Variants in DHDDS observed in about 807,000 individuals in gnomAD.
DHDDS encodes dehydrodolichyl diphosphate synthase subunit, also known as dehydrodolichyl diphosphate synthase complex subunit DHDDS.
DHDDS carries 16 observed loss-of-function variants against 46.2 expected under a neutral mutation model. That is an observed-to-expected ratio of 0.35 (90% CI 0.23 to 0.53). The LOEUF (loss-of-function observed/expected upper bound fraction) is 0.53, where lower values mean the gene tolerates loss of function less well. DHDDS is among the 20% of genes least tolerant of loss of function. DHDDS has a pLI of 0.94. For missense variants in DHDDS, 340 were observed against 423.7 expected (o/e 0.80, Z 1.73); for synonymous variants, 151 against 163.1 (o/e 0.93, Z 0.56).
In DHDDS at chr1:26,442,688, C is replaced by T. The variant is rs200741985; in HGVS notation, c.181-43C>T. ...AAAAGTATCTCTTATTTCCCCTTCC[C>T]ACTCTTCCTTGTATCCTAGCTCCTT... On this transcript the variant is annotated intron_variant, in intron 3 of 8. Coordinates refer to ENST00000236342, the MANE Select transcript of DHDDS (RefSeq NM_205861.3). 4.5e-4 allele frequency: 720 copies of T among 1,612,294 alleles called. 3 individuals are homozygous for T. The highest frequency in any genetic ancestry group is 3.1e-3 in the South Asian group (282 of 90,992).
intron 3 of DHDDS, among the ~76,000 whole-genome samples, chr1:26,441,288 T>A (rs1022300350): frequency 2.6e-5 from 4 of 151,626 alleles, no homozygotes; most frequent in African/African-American, 9.7e-5. Flanking sequence ...AGATCTCCAC[T>A]CACTGGTTCA....
At chr1:26,467,376 G>A in intron 8 of DHDDS, 1 of 471,276 alleles carries the variant, frequency 2.1e-6, no homozygotes, top group African/African-American at 2.0e-5. Flanking sequence ...CAAGCCCGAA[G>A]TCCTCATAGC....
chr1:26,454,677 A>G (rs780212503), intron 6 of DHDDS: 19 of 1,532,106 alleles, frequency 1.2e-5, no homozygotes, highest in Non-Finnish European at 1.6e-5. Context: ...TTTCTTTGGG[A>G]TATCATTTTC....
Position 26,447,638 on chromosome 1 carries a change from G to T in DHDDS, c.520G>T (p.Glu174Ter). 1 of 1,614,090 alleles carries T rather than the reference G, an allele frequency of 6.2e-7. No individual in the cohort carries two copies. Residue 174 changes from glutamate (E) to a stop codon, truncating the protein, a stop_gained, in exon 6 of 9, where the codon GAG becomes TAG. Transcript: ENST00000236342. LOFTEE classifies it high-confidence loss of function. ...NAVREMAWGV[E>*]QGLLDPSDIS... ...TGTGAGAGAGATGGCCTGGGGGGTGGAGCAAGGCCTGTTGGATCCCAGGTA... is the reference window on the plus strand; with the variant it reads ...TGTGAGAGAGATGGCCTGGGGGGTGTAGCAAGGCCTGTTGGATCCCAGGTA...
chr1:26,453,791 A>T (rs2124467607), intron 6 of DHDDS, among the ~76,000 whole-genome samples: 1 of 152,274 alleles, frequency 6.6e-6, no homozygotes, highest in Non-Finnish European at 1.5e-5. Context: ...CTCATAGGTA[A>T]AAACTGATAT....
intron 5 of DHDDS, among the ~76,000 whole-genome samples, chr1:26,446,654 TTCC>T (rs781609899): frequency 1.6e-4 from 24 of 152,000 alleles, no homozygotes; most frequent in Non-Finnish European, 2.4e-4. Context: ...TAGTTTCTCT[TTCC>T]TCCTTTCTCT....
chr1:26,454,988 G>C (rs2075357308), intron 6 of DHDDS: 2 of 1,521,320 alleles, frequency 1.3e-6, no homozygotes, highest in Non-Finnish European at 1.8e-6. Context: ...ACACCTGCCA[G>C]CTCCACCATT....
intron 6 of DHDDS, chr1:26,455,208 C>T (rs544731005): frequency 3.5e-5 from 25 of 717,594 alleles, no homozygotes; most frequent in Non-Finnish European, 4.9e-5. Flanking sequence ...TACCTCAGGC[C>T]GCTTAGGGAA....
At position 26,469,205 on chromosome 1, in the gene DHDDS, A is replaced by G. The variant is rs2075527353; in HGVS notation, c.*74A>G. On this transcript the variant is annotated 3_prime_UTR_variant, in exon 9 of 9. Transcript: ENST00000236342. Reference sequence around the variant, plus strand: ...CCACTCCCCTTCCTTTTCTTGGTGAAAGGCACCTCCTTTCCTGATAATGAA... The same window carrying G: ...CCACTCCCCTTCCTTTTCTTGGTGAGAGGCACCTCCTTTCCTGATAATGAA... The G allele has an allele frequency of 1.2e-6, 2 of 1,605,390 alleles. No individual in the cohort carries two copies. Among genetic ancestry groups the G allele is most frequent in the Admixed American group, 1.7e-5 (1 of 60,002 alleles).
At chr1:26,446,520 T>C (rs1469774766) in intron 5 of DHDDS, 88 bp downstream of exon 5, 1 of 1,289,530 alleles carries the variant, frequency 7.8e-7, no homozygotes, top group African/African-American at 1.5e-5. Context: ...TTCCTTGGTC[T>C]GGATTGGTGC....
intron 4 of DHDDS, chr1:26,443,118 T>A: frequency 1.7e-6 from 1 of 577,040 alleles, no homozygotes; most frequent in Non-Finnish European, 2.8e-6. Context: ...TAAGAACAAG[T>A]ACAGCCAGCC....
chr1:26,466,510 G>A (rs897358180), intron 8 of DHDDS, among the ~76,000 whole-genome samples: 1 of 152,146 alleles, frequency 6.6e-6, no homozygotes, highest in South Asian at 2.1e-4. Context: ...TCTCAGCCTC[G>A]CTGTCATTTT....
intron 2 of DHDDS, among the ~76,000 whole-genome samples, chr1:26,435,135 G>C (rs993471134): frequency 6.8e-6 from 1 of 147,500 alleles, no homozygotes; most frequent in Non-Finnish European, 1.5e-5. Flanking sequence ...TCAGCCTCCC[G>C]AGTAGCTGGG....
intron 3 of DHDDS, among the ~76,000 whole-genome samples, chr1:26,441,617 C>T (rs775164474): frequency 4.1e-4 from 62 of 152,030 alleles, no homozygotes; most frequent in African/African-American, 1.4e-3. Flanking sequence ...CATTTCCTGC[C>T]GGGCTCAGTA....
At chr1:26,457,396 G>A (rs186770966) in intron 6 of DHDDS, among the ~76,000 whole-genome samples, 10 of 151,892 alleles carry the variant, frequency 6.6e-5, no homozygotes, top group African/African-American at 2.4e-4. Flanking sequence ...CATGAACCTG[G>A]GAGGCAGAGT....
At chr1:26,449,383 G>T (rs946239396) in intron 6 of DHDDS, among the ~76,000 whole-genome samples, 2 of 151,924 alleles carry the variant, frequency 1.3e-5, no homozygotes, top group Non-Finnish European at 2.9e-5. Context: ...TTCCAGGCAT[G>T]AGCCATCACT....
chr1:26,457,139 C>T (rs971436759), intron 6 of DHDDS, among the ~76,000 whole-genome samples: 1 of 151,940 alleles, frequency 6.6e-6, no homozygotes, highest in Non-Finnish European at 1.5e-5. Context: ...CCTCAGTTTC[C>T]TTATCTATAA....
At chr1:26,455,641 G>A (rs1326908954) in intron 6 of DHDDS, among the ~76,000 whole-genome samples, 1 of 152,128 alleles carries the variant, frequency 6.6e-6, no homozygotes, top group Admixed American at 6.5e-5. Context: ...CAGCTACTTG[G>A]GAGGCTGAGG....
intron 6 of DHDDS, among the ~76,000 whole-genome samples, chr1:26,451,178 A>G (rs764583270): frequency 4.6e-5 from 7 of 152,206 alleles, no homozygotes; most frequent in East Asian, 3.8e-4. Flanking sequence ...CAGGAGGCCA[A>G]TGTCTCAACC....
Sources: allele counts gnomAD v4.1 joint callset (sites outside exome capture counted in the v4.1 genomes callset), GRCh38; gene constraint gnomAD v4.1.1; transcripts MANE v1.5; gene names NCBI Gene and HGNC (gene_info 2026-07-23, HGNC 2026-07-21).